Variants in PAMR1 observed in about 807,000 individuals in gnomAD.
The protein encoded by PAMR1 is inactive serine protease PAMR1.
A neutral mutation model predicts 81.8 loss-of-function variants in PAMR1; 88 were observed. The observed-to-expected ratio is 1.08, with a 90% CI of 0.91 to 1.28. PAMR1 has a LOEUF of 1.28. Ranked by LOEUF, PAMR1 falls within the 50% of genes most tolerant of loss-of-function variation. The pLI, the probability that PAMR1 is intolerant of heterozygous loss-of-function variation, is 0.00. For synonymous variants in PAMR1, 336 were observed against 345.3 expected, an observed-to-expected ratio of 0.97 and a Z score of 0.30; for missense variants, 935 against 919.7, an observed-to-expected ratio of 1.02 and a Z score of -0.21.
chr11:35,525,602 G>A lies in PAMR1; in HGVS notation c.-17C>T. 6.2e-7 allele frequency: 1 copy of A among 1,612,618 alleles called. No individual in the cohort carries two copies. The highest frequency in any genetic ancestry group is 8.5e-7 in the Non-Finnish European group (1 of 1,179,190). On this transcript the variant is annotated 5_prime_UTR_variant, in exon 1 of 11. Coordinates refer to ENST00000619888, the MANE Select transcript of PAMR1 (RefSeq NM_001001991.3). Reference sequence around the variant, plus strand: ...CAGCTCCATCCTTGCCGCGGCTGGTGCCCGAGCGTCTACTGGGGAGGGAGA... The same window carrying A: ...CAGCTCCATCCTTGCCGCGGCTGGTACCCGAGCGTCTACTGGGGAGGGAGA...
chr11:35,450,550 T>C (rs1856394183), intron 6 of PAMR1, among the ~76,000 whole-genome samples: 1 of 152,200 alleles, frequency 6.6e-6, no homozygotes, highest in Admixed American at 6.5e-5. Flanking sequence ...GATAAAGCAG[T>C]CCATGTTGCT....
chr11:35,497,778 G>A (rs187969721), intron 1 of PAMR1, among the ~76,000 whole-genome samples: 1 of 152,248 alleles, frequency 6.6e-6, no homozygotes. Context: ...ATTTATTACT[G>A]TACTACATTA....
At chr11:35,439,281 T>C (rs1019458379) in intron 8 of PAMR1, among the ~76,000 whole-genome samples, 12 of 152,226 alleles carry the variant, frequency 7.9e-5, no homozygotes, top group African/African-American at 2.7e-4. Flanking sequence ...AGAAATGTCA[T>C]CTTCCTAGAA....
At chr11:35,439,102 G>C (rs796688679) in intron 8 of PAMR1, among the ~76,000 whole-genome samples, 42 of 152,254 alleles carry the variant, frequency 2.8e-4, no homozygotes, top group African/African-American at 9.9e-4. Flanking sequence ...TCCCCACCAG[G>C]TGGACCCCAC....
intron 1 of PAMR1, among the ~76,000 whole-genome samples, chr11:35,497,419 G>A (rs933593222): frequency 5.3e-5 from 8 of 152,198 alleles, no homozygotes; most frequent in African/African-American, 1.9e-4. Flanking sequence ...CAGGAGCTGG[G>A]GGAAAGCTGA....
chr11:35,497,157 C>T (rs1850741231), intron 1 of PAMR1, among the ~76,000 whole-genome samples: 1 of 152,072 alleles, frequency 6.6e-6, no homozygotes, highest in African/African-American at 2.4e-5. Context: ...CAGACCAAGA[C>T]TCTTGTCTGA....
chr11:35,451,826 C>A, intron 6 of PAMR1: 1 of 655,072 alleles, frequency 1.5e-6, no homozygotes, highest in South Asian at 1.8e-5. Flanking sequence ...AGAGAGCTCT[C>A]CCACCCTCCT....
At chr11:35,473,995 C>T (rs1850237297) in intron 4 of PAMR1, among the ~76,000 whole-genome samples, 1 of 152,202 alleles carries the variant, frequency 6.6e-6, no homozygotes, top group South Asian at 2.1e-4. Context: ...TATAGTGTGC[C>T]ATGAACTGTT....
intron 1 of PAMR1, among the ~76,000 whole-genome samples, chr11:35,524,530 CAGAT>C (rs1851348681): frequency 1.3e-5 from 2 of 152,192 alleles, no homozygotes; most frequent in South Asian, 4.1e-4. Context: ...ACCCAGCTCT[CAGAT>C]AGAGTTCAGG....
In PAMR1 at chr11:35,441,587, G is replaced by A. The variant is rs150252565; in HGVS notation, c.927C>T (p.Thr309=). 64 of 1,613,730 alleles carry A rather than the reference G, an allele frequency of 4.0e-5. No individual in the cohort carries two copies. Among genetic ancestry groups the A allele is most frequent in the East Asian group, 1.8e-4 (8 of 44,892 alleles). Residue 309 remains threonine (T), a synonymous_variant, in exon 7 of 11, where the codon ACC becomes ACT. Transcript: ENST00000619888. ...AGTTGTTACAAAAGAAAGACACCAC[G>A]GTGCCAATTTTAGCATGGCGTCCGT... ...LINGRHAKIG[T]VVSFFCNNSY...
intron 6 of PAMR1, among the ~76,000 whole-genome samples, chr11:35,464,432 T>G (rs903909936): frequency 6.6e-6 from 1 of 152,234 alleles, no homozygotes; most frequent in African/African-American, 2.4e-5. Flanking sequence ...TTGGCACTAC[T>G]GATCTTTGAG....
chr11:35,514,982 G>A (rs974171175), intron 1 of PAMR1, among the ~76,000 whole-genome samples: 6 of 152,196 alleles, frequency 3.9e-5, no homozygotes, highest in African/African-American at 1.2e-4. Flanking sequence ...TTCAACCTGG[G>A]TGACAGACCA....
intron 6 of PAMR1, among the ~76,000 whole-genome samples, chr11:35,455,329 G>A (rs1651279244): frequency 6.6e-6 from 1 of 152,200 alleles, no homozygotes; most frequent in South Asian, 2.1e-4. Context: ...TATTAAATGT[G>A]TGAAAAGGAA....
chr11:35,509,752 G>A (rs779627165), intron 1 of PAMR1, among the ~76,000 whole-genome samples: 2 of 152,154 alleles, frequency 1.3e-5, no homozygotes, highest in Non-Finnish European at 2.9e-5. Context: ...GGAGAAAAGA[G>A]GGGTTCACAG....
chr11:35,498,084 C>T (rs1330559224), intron 1 of PAMR1, among the ~76,000 whole-genome samples: 1 of 152,110 alleles, frequency 6.6e-6, no homozygotes, highest in Non-Finnish European at 1.5e-5. Context: ...CCTACCTGTG[C>T]CAAGTTTTCC....
rs542711178 is a variant in PAMR1 at position 35,487,561 on chromosome 11, G to C, written c.379+4484C>G. On this transcript the variant is annotated intron_variant, in intron 3 of 10. Transcript: ENST00000619888. ...TCCCTAGGAACTCTGGCTTCGACTGGGTCCTCCGTCTCGCTTGGATATGCT... is the reference window on the plus strand; with the variant it reads ...TCCCTAGGAACTCTGGCTTCGACTGCGTCCTCCGTCTCGCTTGGATATGCT... Among the ~76,000 whole-genome samples, 5 of 152,294 alleles carry C rather than the reference G, an allele frequency of 3.3e-5. No homozygotes were observed. The South Asian group carries it at 1.0e-3, about 32-fold the overall frequency.
At chr11:35,525,669 G>A (rs1851374216), upstream of PAMR1, 2 of 1,154,124 alleles carry the variant, frequency 1.7e-6, no homozygotes, top group African/African-American at 3.0e-5. Flanking sequence ...GTTTTACAGG[G>A]ACCTCCCCGA....
chr11:35,441,403 A>T, intron 7 of PAMR1, 78 bp downstream of exon 7: 1 of 1,034,060 alleles, frequency 9.7e-7, no homozygotes, highest in Non-Finnish European at 1.5e-6. Context: ...CCAGGGGCTT[A>T]AAAACATGCA....
intron 1 of PAMR1, among the ~76,000 whole-genome samples, chr11:35,504,533 T>A (rs1565356857): frequency 6.6e-6 from 1 of 150,750 alleles, no homozygotes; most frequent in Non-Finnish European, 1.5e-5. Context: ...GATGGGAGAC[T>A]TTTTATTACA....
Sources: allele counts gnomAD v4.1 joint callset (sites outside exome capture counted in the v4.1 genomes callset), GRCh38; gene constraint gnomAD v4.1.1; transcripts MANE v1.5; gene names NCBI Gene and HGNC (gene_info 2026-07-23, HGNC 2026-07-21).